SCHIP1: variants seen among roughly 807,000 people sequenced by gnomAD.
SCHIP1 encodes schwannomin-interacting protein 1.
Under a neutral mutation model 29.7 loss-of-function variants are expected in SCHIP1, and 8 were observed. The ratio of observed to expected loss-of-function variants is 0.27; its 90% CI spans 0.16 to 0.49. The LOEUF (loss-of-function observed/expected upper bound fraction) is 0.49, where lower values mean the gene tolerates loss of function less well. SCHIP1 is among the 20% of genes least tolerant of loss of function. SCHIP1 has a pLI of 0.99. For missense variants in SCHIP1, 193 were observed against 294.6 expected (o/e 0.66, Z 2.52); for synonymous variants, 76 against 94.9 (o/e 0.80, Z 1.16).
the SCHIP1 span, among the ~76,000 whole-genome samples, chr3:159,611,019 C>A: frequency 6.6e-6 from 1 of 151,886 alleles, no homozygotes; most frequent in Non-Finnish European, 1.5e-5. Context: ...AAGAAGCAGG[C>A]AAAATAAGAA....
At chr3:159,506,346 T>A in the SCHIP1 span, among the ~76,000 whole-genome samples, 1 of 152,234 alleles carries the variant, frequency 6.6e-6, no homozygotes. Flanking sequence ...GTTTGAGTTC[T>A]TTGTAGATTC....
chr3:159,361,120 A>G, the SCHIP1 span, among the ~76,000 whole-genome samples: 1 of 152,252 alleles, frequency 6.6e-6, no homozygotes, highest in African/African-American at 2.4e-5. Context: ...GCTTGTGAAG[A>G]CAAATAATAA....
the SCHIP1 span, among the ~76,000 whole-genome samples, chr3:159,798,495 C>A: frequency 6.6e-6 from 1 of 151,862 alleles, no homozygotes; most frequent in Non-Finnish European, 1.5e-5. Flanking sequence ...CAGTGGTTCA[C>A]GCCCGTAATC....
At chr3:159,747,113 T>C in the SCHIP1 span, among the ~76,000 whole-genome samples, 2 of 152,320 alleles carry the variant, frequency 1.3e-5, no homozygotes, top group Admixed American at 6.5e-5. Flanking sequence ...ACCTGGCACA[T>C]AGTAGATATT....
chr3:159,464,380 A>T, the SCHIP1 span, among the ~76,000 whole-genome samples: 1,447 of 152,266 alleles, frequency 9.5e-3, 14 homozygotes, highest in Non-Finnish European at 0.017. Context: ...CACAGGTGAC[A>T]TTTCTTTTTC....
chr3:159,836,532 C>T (rs1270781817), upstream of SCHIP1, among the ~76,000 whole-genome samples: 2 of 152,188 alleles, frequency 1.3e-5, no homozygotes, highest in Non-Finnish European at 2.9e-5. Flanking sequence ...TTGGTATGAA[C>T]CCAGAAAATC....
At chr3:159,582,427 A>G in the SCHIP1 span, among the ~76,000 whole-genome samples, 2 of 152,030 alleles carry the variant, frequency 1.3e-5, no homozygotes, top group Non-Finnish European at 2.9e-5. Context: ...TCGGCCTCCC[A>G]AAGTGTTAGG....
At chr3:159,729,132 G>T in the SCHIP1 span, among the ~76,000 whole-genome samples, 1,722 of 151,736 alleles carry the variant, frequency 0.011, 14 homozygotes, top group Admixed American at 0.021. Context: ...TAGGAGACAG[G>T]TGAGACTCTG....
At chr3:159,344,104 G>T in the SCHIP1 span, among the ~76,000 whole-genome samples, 1 of 152,038 alleles carries the variant, frequency 6.6e-6, no homozygotes, top group East Asian at 1.9e-4. Flanking sequence ...AGGCTGGGGC[G>T]GGCAGATCAC....
At chr3:159,337,866 A>G in the SCHIP1 span, among the ~76,000 whole-genome samples, 1 of 152,192 alleles carries the variant, frequency 6.6e-6, no homozygotes, top group Admixed American at 6.5e-5. Flanking sequence ...AGACATCCAG[A>G]ATATTTCTCA....
At chr3:159,607,911 T>G in the SCHIP1 span, among the ~76,000 whole-genome samples, 1 of 152,180 alleles carries the variant, frequency 6.6e-6, no homozygotes, top group Non-Finnish European at 1.5e-5. Context: ...GAGTGCCACT[T>G]GTGGCTTAGC....
chr3:159,765,206 C>T, the SCHIP1 span: 2 of 1,453,482 alleles, frequency 1.4e-6, no homozygotes, highest in Non-Finnish European at 9.1e-7. Context: ...AGCCCGCACG[C>T]CCCCTCCCTG....
chr3:159,711,705 A>G, the SCHIP1 span, among the ~76,000 whole-genome samples: 1 of 152,204 alleles, frequency 6.6e-6, no homozygotes, highest in African/African-American at 2.4e-5. Flanking sequence ...TTAGAGTTCT[A>G]TTACAGAAAA....
At chr3:159,548,695 G>C in the SCHIP1 span, among the ~76,000 whole-genome samples, 2 of 151,754 alleles carry the variant, frequency 1.3e-5, no homozygotes, top group African/African-American at 4.8e-5. Context: ...AATATATCTA[G>C]TTTTTAAATT....
At chr3:159,646,564 C>T in the SCHIP1 span, among the ~76,000 whole-genome samples, 2 of 152,268 alleles carry the variant, frequency 1.3e-5, no homozygotes, top group Admixed American at 6.5e-5. Context: ...CTCCCCTTAA[C>T]CTTTCACAGG....
At chr3:159,398,066 C>T in the SCHIP1 span, among the ~76,000 whole-genome samples, 1 of 152,180 alleles carries the variant, frequency 6.6e-6, no homozygotes, top group South Asian at 2.1e-4. Flanking sequence ...GCGCAGTATT[C>T]AGGTGGGAGT....
At chr3:159,475,884 A>G in the SCHIP1 span, among the ~76,000 whole-genome samples, 2 of 152,190 alleles carry the variant, frequency 1.3e-5, no homozygotes, top group Admixed American at 6.6e-5. Flanking sequence ...TGAAGCTTTC[A>G]TAACAAGGTC....
At chr3:159,401,066 T>G in the SCHIP1 span, 1 of 381,410 alleles carries the variant, frequency 2.6e-6, no homozygotes, top group Non-Finnish European at 3.6e-6. Flanking sequence ...AAGGACTAAA[T>G]GAATGCAAGT....
chr3:159,866,439 C>T (rs1377686825), intron 2 of SCHIP1, among the ~76,000 whole-genome samples, 158 bp downstream of exon 3: 1 of 152,088 alleles, frequency 6.6e-6, no homozygotes, highest in Non-Finnish European at 1.5e-5. Flanking sequence ...CCCTTCCCCA[C>T]TTGTTTGTCG....
Sources: allele counts gnomAD v4.1 joint callset (sites outside exome capture counted in the v4.1 genomes callset), GRCh38; gene constraint gnomAD v4.1.1; transcripts MANE v1.5; gene names NCBI Gene and HGNC (gene_info 2026-07-23, HGNC 2026-07-21).